Variants in LEKR1 observed in about 807,000 individuals in gnomAD.
LEKR1 encodes protein LEKR1.
Under a neutral mutation model 72.4 loss-of-function variants are expected in LEKR1, and 59 were observed. That is an observed-to-expected ratio of 0.82 (90% CI 0.66 to 1.01). The LOEUF (loss-of-function observed/expected upper bound fraction) is 1.01, where lower values mean the gene tolerates loss of function less well. Ranked by LOEUF, LEKR1 falls within the 50% of genes least tolerant of loss-of-function variation. The pLI is 0.00. For synonymous variants in LEKR1, 257 were observed against 263.2 expected, an observed-to-expected ratio of 0.98 and a Z score of 0.23; for missense variants, 728 against 759.2, an observed-to-expected ratio of 0.96 and a Z score of 0.48.
intron 2 of LEKR1, among the ~76,000 whole-genome samples, chr3:156,846,644 AT>A (rs1714636267): frequency 1.3e-5 from 2 of 152,160 alleles, no homozygotes; most frequent in South Asian, 4.1e-4. Context: ...CTAAACACTC[AT>A]TGTTTTTGAG....
chr3:157,036,900 C>T (rs962686510), intron 12 of LEKR1, among the ~76,000 whole-genome samples: 1 of 151,904 alleles, frequency 6.6e-6, no homozygotes, highest in Non-Finnish European at 1.5e-5. Flanking sequence ...ATATCAACAC[C>T]CAGAAAATGA....
chr3:157,003,992 A>G (rs1046550189), intron 9 of LEKR1, among the ~76,000 whole-genome samples: 2 of 152,226 alleles, frequency 1.3e-5, no homozygotes, highest in Non-Finnish European at 2.9e-5. Context: ...AACTATATCA[A>G]TGATTAAATT....
chr3:156,918,643 A>T (rs1452137682), intron 3 of LEKR1, among the ~76,000 whole-genome samples: 1 of 152,184 alleles, frequency 6.6e-6, no homozygotes, highest in Non-Finnish European at 1.5e-5. Flanking sequence ...TTCAGGTGGC[A>T]ATTATATGTA....
At chr3:157,024,682 T>C in intron 10 of LEKR1, 78 bp from the exon 11 acceptor site, 1 of 1,045,638 alleles carries the variant, frequency 9.6e-7, no homozygotes. Flanking sequence ...ATTTTAAAAC[T>C]TAGAGTTTGA....
intron 7 of LEKR1, among the ~76,000 whole-genome samples, chr3:156,987,232 G>A (rs77386039): frequency 0.027 from 4,142 of 152,106 alleles, 156 homozygotes; most frequent in East Asian, 0.18. Flanking sequence ...CAATTTATCC[G>A]TCCTAATGAA....
intron 3 of LEKR1, among the ~76,000 whole-genome samples, chr3:156,854,565 G>C (rs1369398270): frequency 2.0e-5 from 3 of 150,072 alleles, no homozygotes; most frequent in Non-Finnish European, 3.0e-5. Context: ...TTTGAGACAG[G>C]GTCTTTCTCT....
At chr3:156,835,743 C>G (rs1713026162) in intron 2 of LEKR1, among the ~76,000 whole-genome samples, 1 of 152,078 alleles carries the variant, frequency 6.6e-6, no homozygotes, top group Non-Finnish European at 1.5e-5. Context: ...CTATTACACA[C>G]CAAGGCTAAA....
intron 3 of LEKR1, among the ~76,000 whole-genome samples, chr3:156,857,503 T>A (rs1716218076): frequency 6.6e-6 from 1 of 152,162 alleles, no homozygotes; most frequent in South Asian, 2.1e-4. Flanking sequence ...TATCTTTGGA[T>A]AAAAGCATTG....
At chr3:156,975,627 TA>T (rs1729624266) in intron 6 of LEKR1, among the ~76,000 whole-genome samples, 1 of 152,222 alleles carries the variant, frequency 6.6e-6, no homozygotes, top group Non-Finnish European at 1.5e-5. Context: ...AGGATTCTCT[TA>T]AATGACTGAT....
intron 3 of LEKR1, among the ~76,000 whole-genome samples, chr3:156,905,782 G>A (rs1376527549): frequency 1.3e-5 from 2 of 152,170 alleles, no homozygotes; most frequent in African/African-American, 4.8e-5. Flanking sequence ...TTTCAAAGGA[G>A]CAGGTATAGA....
intron 6 of LEKR1, among the ~76,000 whole-genome samples, chr3:156,949,957 G>A (rs1011827812): frequency 2.6e-5 from 4 of 151,160 alleles, no homozygotes; most frequent in African/African-American, 9.7e-5. Flanking sequence ...ATAAAATTAA[G>A]ATTCTCTGTT....
At chr3:156,896,277 G>C (rs1206953686) in intron 3 of LEKR1, among the ~76,000 whole-genome samples, 1 of 152,128 alleles carries the variant, frequency 6.6e-6, no homozygotes, top group Non-Finnish European at 1.5e-5. Context: ...GGGTTGATCT[G>C]TGTAGCAAAC....
At chr3:157,030,661 C>T (rs7643488) in intron 12 of LEKR1, among the ~76,000 whole-genome samples, 6,038 of 152,220 alleles carry the variant, frequency 0.04, 410 homozygotes, top group African/African-American at 0.14. Context: ...TTCTGTGGGT[C>T]AGGAATCTGA....
At chr3:157,032,863 G>C (rs540092808) in intron 12 of LEKR1, among the ~76,000 whole-genome samples, 2 of 151,620 alleles carry the variant, frequency 1.3e-5, no homozygotes, top group African/African-American at 4.8e-5. Flanking sequence ...TGTCGAGAAA[G>C]TCTCTCAGTG....
intron 5 of LEKR1, among the ~76,000 whole-genome samples, chr3:156,930,422 T>G (rs1006351461): frequency 2.6e-5 from 4 of 152,100 alleles, no homozygotes; most frequent in Non-Finnish European, 5.9e-5. Context: ...CAATGTAACA[T>G]GACAACTAGA....
chr3:156,863,431 C>T (rs145313757), intron 3 of LEKR1, among the ~76,000 whole-genome samples: 8 of 152,160 alleles, frequency 5.3e-5, no homozygotes, highest in African/African-American at 1.2e-4. Flanking sequence ...CTTACCATAA[C>T]GCCTGAACAA....
At chr3:156,970,300 G>A (rs1729041828) in intron 6 of LEKR1, among the ~76,000 whole-genome samples, 1 of 152,076 alleles carries the variant, frequency 6.6e-6, no homozygotes, top group Non-Finnish European at 1.5e-5. Context: ...GGAAATAAAG[G>A]GTATTCAATT....
chr3:156,842,359 T>TC (rs140299603), intron 2 of LEKR1, among the ~76,000 whole-genome samples: 2,518 of 152,258 alleles, frequency 0.017, 70 homozygotes, highest in African/African-American at 0.056. Context: ...CTTTTTTTTT[T>TC]CTTTCTTGTT....
intron 2 of LEKR1, among the ~76,000 whole-genome samples, chr3:156,837,080 A>G (rs1320267722): frequency 6.6e-6 from 1 of 152,168 alleles, no homozygotes; most frequent in East Asian, 1.9e-4. Context: ...ATTCCTTTTA[A>G]AAAAAATGGT....
Sources: allele counts gnomAD v4.1 joint callset (sites outside exome capture counted in the v4.1 genomes callset), GRCh38; gene constraint gnomAD v4.1.1; transcripts MANE v1.5; gene names NCBI Gene and HGNC (gene_info 2026-07-23, HGNC 2026-07-21).